Variants in BDKRB1 observed in about 807,000 individuals in gnomAD.
BDKRB1 encodes bradykinin receptor B1.
For synonymous variants in BDKRB1, 192 were observed against 189.1 expected (o/e 1.02, Z -0.13); for missense variants, 414 against 441.4 (o/e 0.94, Z 0.56).
At chr14:96,259,433 G>T (rs930383456) in intron 1 of BDKRB1, 1 of 152,114 alleles carries the variant, frequency 6.6e-6, no homozygotes, top group South Asian at 2.1e-4. Flanking sequence ...TGTCACGTAC[G>T]TCTATAAATG....
intron 1 of BDKRB1, among the ~76,000 whole-genome samples, chr14:96,261,411 A>T (rs760653578): frequency 6.6e-6 from 1 of 152,242 alleles, no homozygotes; most frequent in Non-Finnish European, 1.5e-5. Context: ...CCAGTGAATT[A>T]TACCCCGGTG....
At chr14:96,258,123 A>AT (rs1315583226) in intron 1 of BDKRB1, among the ~76,000 whole-genome samples, 1 of 152,242 alleles carries the variant, frequency 6.6e-6, no homozygotes, top group East Asian at 1.9e-4. Context: ...ATATATATGC[A>AT]TACACCTATG....
At chr14:96,259,925 G>T (rs1885705913) in intron 1 of BDKRB1, 1 of 152,100 alleles carries the variant, frequency 6.6e-6, no homozygotes, top group Non-Finnish European at 1.5e-5. Flanking sequence ...TTAACTTAAA[G>T]AACAGTCATT....
At position 96,264,630 on chromosome 14, in the gene BDKRB1, C is replaced by T; in HGVS notation, c.948C>T (p.Gly316=). ...SLNPVIYVFV[G]RLFRTKVWEL... ...ATCCAGTAATTTATGTCTTTGTGGG[C>T]CGGCTCTTCAGGACCAAGGTCTGGG... The change falls in exon 3 of 3, where the codon GGC becomes GGT. Residue 316 remains glycine, a synonymous_variant. Coordinates refer to ENST00000216629, the MANE Select transcript of BDKRB1 (RefSeq NM_000710.4). The T allele has an allele frequency of 6.2e-7, 1 of 1,614,136 alleles. No homozygotes were observed. Among genetic ancestry groups the T allele is most frequent in the South Asian group, 1.1e-5 (1 of 91,074 alleles).
chr14:96,264,370 C>A lies in BDKRB1; in HGVS notation c.688C>A (p.Arg230=). Reference sequence around the variant, plus strand: ...CAACTACCACATCCTGGCCTCCCTGCGAACGCGGGAGGAGGTCAGCAGGAC... The same window carrying A: ...CAACTACCACATCCTGGCCTCCCTGAGAACGCGGGAGGAGGTCAGCAGGAC... ...FFNYHILASL[R]TREEVSRTRC... Residue 230 remains arginine, a synonymous_variant, in exon 3 of 3, where the codon CGA becomes AGA. Transcript: ENST00000216629. 6.2e-7 allele frequency: 1 copy of A among 1,614,192 alleles called. No homozygotes were observed.
chr14:96,261,627 A>C (rs1885751183), intron 1 of BDKRB1, among the ~76,000 whole-genome samples: 1 of 152,218 alleles, frequency 6.6e-6, no homozygotes, highest in African/African-American at 2.4e-5. Flanking sequence ...GCGGGGTTGA[A>C]GGAATCTCAG....
intron 2 of BDKRB1, among the ~76,000 whole-genome samples, chr14:96,262,978 A>C (rs1595276068): frequency 6.6e-6 from 1 of 151,308 alleles, no homozygotes. Context: ...CACTGTCCCC[A>C]CCCCGGCCAC....
intron 1 of BDKRB1, among the ~76,000 whole-genome samples, chr14:96,257,324 C>G (rs771302474): frequency 2.0e-5 from 3 of 152,222 alleles, no homozygotes; most frequent in Admixed American, 2.0e-4. Flanking sequence ...TTTCCTAAGG[C>G]TGCTATAATT....
In BDKRB1 at chr14:96,264,324, A is replaced by G; in HGVS notation, c.642A>G (p.Pro214=). The G allele has an allele frequency of 1.2e-6, 2 of 1,614,134 alleles. No homozygotes were observed. The highest frequency in any genetic ancestry group is 1.3e-5 in the African/African-American group (1 of 75,012). ...TAAATATTCTGGGTTTCCTCCTACC[A>G]CTGGCTGCGATCGTCTTCTTCAACT... ...VELNILGFLL[P]LAAIVFFNYH... is the part of the protein sequence containing the mutation. Residue 214 remains proline (P), a synonymous_variant, in exon 3 of 3, where the codon CCA becomes CCG. Transcript: ENST00000216629.
At chr14:96,261,351 A>G (rs1318938912) in intron 1 of BDKRB1, among the ~76,000 whole-genome samples, 2 of 152,246 alleles carry the variant, frequency 1.3e-5, no homozygotes, top group African/African-American at 4.8e-5. Context: ...TGCCTGGCAC[A>G]TAGTACATTC....
intron 1 of BDKRB1, chr14:96,259,724 T>G (rs1034245329): frequency 5.9e-5 from 9 of 152,206 alleles, no homozygotes; most frequent in African/African-American, 1.9e-4. Flanking sequence ...TTGGCTTCCA[T>G]GAGCTGAATG....
rs1885816553 is a variant in BDKRB1 at position 96,263,843 on chromosome 14, G to A, written c.161G>A (p.Gly54Glu). The A allele has an allele frequency of 1.9e-6, 3 of 1,614,022 alleles. No individual in the cohort carries two copies. ...IISICFFGLL[G>E]NLFVLLVFLL... Reference sequence around the variant, plus strand: ...TCCATCTGTTTCTTCGGCCTCCTAGGGAACCTTTTTGTCCTGTTGGTCTTC... The same window carrying A: ...TCCATCTGTTTCTTCGGCCTCCTAGAGAACCTTTTTGTCCTGTTGGTCTTC... Residue 54 changes from glycine (G) to glutamate (E), a missense_variant, in exon 3 of 3, where the codon GGG becomes GAG. Gly to Glu is a moderately conservative substitution (Grantham distance 98). Transcript: ENST00000216629.
At chr14:96,258,926 AT>A (rs1269313701) in intron 1 of BDKRB1, among the ~76,000 whole-genome samples, 4 of 152,040 alleles carry the variant, frequency 2.6e-5, no homozygotes, top group Non-Finnish European at 2.9e-5. Flanking sequence ...AAAAAAAAAA[AT>A]CATTGGCTTT....
chr14:96,262,545 G>C, intron 1 of BDKRB1, 107 bp from the exon 2 acceptor site: 1 of 395,536 alleles, frequency 2.5e-6, no homozygotes, highest in Non-Finnish European at 4.8e-6. Context: ...GATGTTAGTT[G>C]TTATCCTTAT....
chr14:96,261,817 T>C (rs576203047), intron 1 of BDKRB1, among the ~76,000 whole-genome samples: 2 of 152,356 alleles, frequency 1.3e-5, no homozygotes, highest in Admixed American at 1.3e-4. Context: ...AGCTGCTCAT[T>C]CTGCAGATAG....
In BDKRB1 at chr14:96,263,723, A is replaced by G; in HGVS notation, c.41A>G (p.Asn14Ser). 1.2e-6 allele frequency: 2 copies of G among 1,614,126 alleles called. No homozygotes were observed. The highest frequency in any genetic ancestry group is 1.7e-6 in the Non-Finnish European group (2 of 1,179,992). Residue 14 changes from asparagine to serine, a missense_variant, in exon 3 of 3, where the codon AAC (asparagine) becomes AGC (serine). Coordinates refer to ENST00000216629, the MANE Select transcript of BDKRB1 (RefSeq NM_000710.4). ...CCCCCTCTAGAGCTCCAATCCTCCA[A>G]CCAGAGCCAGCTCTTCCCTCAAAAT... ...SWPPLELQSS[N>S]QSQLFPQNAT...
intron 2 of BDKRB1, 125 bp from the exon 3 acceptor site, chr14:96,263,548 G>A (rs45528931): frequency 0.086 from 90,303 of 1,044,748 alleles, 4,352 homozygotes; most frequent in Non-Finnish European, 0.1. Flanking sequence ...TAGATAATAC[G>A]TCCAGGAATG....
At chr14:96,260,337 A>G (rs1292326977) in intron 1 of BDKRB1, among the ~76,000 whole-genome samples, 1 of 152,148 alleles carries the variant, frequency 6.6e-6, no homozygotes, top group African/African-American at 2.4e-5. Context: ...CAATGTTCTT[A>G]AAATTACTAA....
chr14:96,264,469 T>A lies in BDKRB1; in HGVS notation c.787T>A (p.Trp263Arg). The A allele has an allele frequency of 6.2e-7, 1 of 1,614,246 alleles. No individual in the cohort carries two copies. The highest frequency in any genetic ancestry group is 2.2e-5 in the East Asian group (1 of 44,878). ...GCTCGTGGTTGCCTTCCTGGTCTGC[T>A]GGGCCCCTTACCACTTCTTTGCCTT... ...LTLVVAFLVC[W>R]APYHFFAFLE... Residue 263 changes from tryptophan (W) to arginine (R), a missense_variant, in exon 3 of 3, where the codon TGG (tryptophan) becomes AGG (arginine). Physicochemically the swap from Trp to Arg is moderately radical, Grantham distance 101. Transcript: ENST00000216629.
Sources: allele counts gnomAD v4.1 joint callset (sites outside exome capture counted in the v4.1 genomes callset), GRCh38; gene constraint gnomAD v4.1.1; transcripts MANE v1.5; gene names NCBI Gene and HGNC (gene_info 2026-07-23, HGNC 2026-07-21).